The following PNOC variants were observed in gnomAD, a reference collection of about 807,000 sequenced individuals.
PNOC encodes prepronociceptin, also known as nociceptin.
PNOC carries 10 observed loss-of-function variants against 15.6 expected under a neutral mutation model. The ratio of observed to expected loss-of-function variants is 0.64; its 90% confidence interval spans 0.40 to 1.09. PNOC has a LOEUF of 1.09. Among genes scored for constraint, PNOC ranks in the 50% least tolerant of loss-of-function variants. PNOC has a pLI of 0.01. For synonymous variants in PNOC, 98 were observed against 88.5 expected (o/e 1.11, Z -0.60); for missense variants, 220 against 223.9 (o/e 0.98, Z 0.11).
At chr8:28,323,556 C>T (rs963950199) in intron 1 of PNOC, among the ~76,000 whole-genome samples, 1 of 152,204 alleles carries the variant, frequency 6.6e-6, no homozygotes, top group African/African-American at 2.4e-5. Context: ...TAACAACAAA[C>T]CTGTTATTAT....
At chr8:28,340,903 C>T (rs1801507528) in intron 3 of PNOC, among the ~76,000 whole-genome samples, 1 of 152,202 alleles carries the variant, frequency 6.6e-6, no homozygotes, top group Non-Finnish European at 1.5e-5. Context: ...CCAAACACCA[C>T]CCACTAGGCC....
chr8:28,331,714 C>T (rs1269457942), intron 2 of PNOC, among the ~76,000 whole-genome samples: 1 of 152,206 alleles, frequency 6.6e-6, no homozygotes, highest in Non-Finnish European at 1.5e-5. Flanking sequence ...GATTAAGTGT[C>T]CTCTGGTAAG....
At chr8:28,325,267 G>A (rs1421616399) in intron 1 of PNOC, among the ~76,000 whole-genome samples, 2 of 143,640 alleles carry the variant, frequency 1.4e-5, no homozygotes, top group Non-Finnish European at 3.2e-5. Context: ...GGGTGGACAT[G>A]GCTTCCCAGA....
chr8:28,320,548 G>T (rs181444110), intron 1 of PNOC, among the ~76,000 whole-genome samples: 1 of 151,990 alleles, frequency 6.6e-6, no homozygotes, highest in Non-Finnish European at 1.5e-5. Flanking sequence ...GACTGCTAGG[G>T]GTACAAAGTT....
chr8:28,321,884 G>A (rs1213660505), intron 1 of PNOC, among the ~76,000 whole-genome samples: 4 of 152,212 alleles, frequency 2.6e-5, no homozygotes, highest in African/African-American at 9.7e-5. Context: ...GACACTTGAA[G>A]TGTAATTGTA....
intron 1 of PNOC, among the ~76,000 whole-genome samples, chr8:28,321,514 T>C (rs183136153): frequency 7.2e-4 from 109 of 152,262 alleles, no homozygotes; most frequent in Non-Finnish European, 1.3e-3. Flanking sequence ...CGGAAGCTAC[T>C]TCCCCATAAA....
intron 2 of PNOC, among the ~76,000 whole-genome samples, chr8:28,334,273 G>A (rs1005634718): frequency 6.6e-6 from 1 of 152,188 alleles, no homozygotes; most frequent in Non-Finnish European, 1.5e-5. Flanking sequence ...GCTAAGTACA[G>A]ACCCAGGTGA....
At chr8:28,327,367 A>T (rs942914485) in intron 1 of PNOC, among the ~76,000 whole-genome samples, 1 of 152,136 alleles carries the variant, frequency 6.6e-6, no homozygotes, top group Non-Finnish European at 1.5e-5. Flanking sequence ...CTAATCAACC[A>T]ATCCTTGGAG....
chr8:28,326,739 A>G (rs1251239735), intron 1 of PNOC, among the ~76,000 whole-genome samples: 1 of 152,166 alleles, frequency 6.6e-6, no homozygotes, highest in African/African-American at 2.4e-5. Context: ...ATGTGCCTGT[A>G]ATCCCAGCCA....
intron 3 of PNOC, among the ~76,000 whole-genome samples, chr8:28,341,601 A>T (rs1310773053): frequency 6.6e-6 from 1 of 152,234 alleles, no homozygotes; most frequent in Non-Finnish European, 1.5e-5. Context: ...TTAAAAAATG[A>T]TTTGAGCCTC....
intron 1 of PNOC, among the ~76,000 whole-genome samples, chr8:28,317,738 C>T (rs73570753): frequency 0.14 from 20,859 of 152,058 alleles, 2,260 homozygotes; most frequent in African/African-American, 0.29. Context: ...ATGAGGGTTT[C>T]CTCTCAGTGG....
At chr8:28,329,979 C>G (rs1457961954) in intron 2 of PNOC, among the ~76,000 whole-genome samples, 1 of 152,002 alleles carries the variant, frequency 6.6e-6, no homozygotes, top group African/African-American at 2.4e-5. Context: ...CAGAGTCTCA[C>G]TCTGTCACTC....
chr8:28,342,901 C>A (rs1194518638), intron 3 of PNOC, 41 bp from the exon 4 acceptor site: 4 of 842,416 alleles, frequency 4.7e-6, no homozygotes, highest in Non-Finnish European at 4.3e-6. Context: ...GTCAGAAAAA[C>A]CATCAGGTTT....
At position 28,339,436 on chromosome 8, in the gene PNOC, A is replaced by C. The variant is rs369750313; in HGVS notation, c.523A>C (p.Asn175His). The change falls in exon 3 of 4, where the codon AAT becomes CAT. Residue 175 changes from asparagine (N) to histidine (H), a missense_variant. Asn to His is a moderately conservative substitution (Grantham distance 68, BLOSUM62 1). Transcript: ENST00000301908. ...CCGGCGCACCCTGCACCAGAATGGTAATGTGTAGCCGGAAGGGGCGCTCCT... is the reference window on the plus strand; with the variant it reads ...CCGGCGCACCCTGCACCAGAATGGTCATGTGTAGCCGGAAGGGGCGCTCCT... ...QRRRTLHQNG[N>H]V 6 of 1,532,990 alleles carry C rather than the reference A, an allele frequency of 3.9e-6. No individual in the cohort carries two copies. The African/African-American group carries it at 8.3e-5, about 21-fold the overall frequency. The allele number at this position is 1,532,990 out of a possible 1,614,324, so 95.0% of individuals were successfully genotyped here. A position where few individuals can be genotyped will look rare whatever the true frequency, so the allele number is the denominator to read the frequency against.
chr8:28,323,764 T>G (rs1190822364), intron 1 of PNOC, among the ~76,000 whole-genome samples: 1 of 152,260 alleles, frequency 6.6e-6, no homozygotes, highest in East Asian at 1.9e-4. Context: ...GTTTTCAAAG[T>G]TCAAAATCTG....
chr8:28,321,206 ATT>A (rs34876674), intron 1 of PNOC, among the ~76,000 whole-genome samples: 3 of 122,788 alleles, frequency 2.4e-5, no homozygotes, highest in East Asian at 2.4e-4. Flanking sequence ...ACCTAGCTAA[ATT>A]TTTTTTTTTT....
chr8:28,339,473 C>T lies in PNOC; in HGVS notation c.*29C>T, dbSNP rs1476391110. The stretch of plus-strand genomic sequence containing the variant: ...GAAGGGGCGCTCCTCCCAGCTGTAC[C>T]GGCCACTGCAACCCATGAGTGAGTT... On this transcript the variant is annotated 3_prime_UTR_variant, in exon 3 of 4. Transcript: ENST00000301908. 15 of 1,507,264 alleles carry T rather than the reference C, an allele frequency of 1.0e-5. No individual in the cohort carries two copies. The highest frequency in any genetic ancestry group is 2.3e-5 in the East Asian group (1 of 43,794). The allele number at this position is 1,507,264 out of a possible 1,614,324, so 93.4% of individuals were successfully genotyped here. A position where few individuals can be genotyped will look rare whatever the true frequency, so the allele number is the denominator to read the frequency against.
rs199624947 is a variant in PNOC at position 28,339,494 on chromosome 8, G to A, written c.*47+3G>A. ...GTACCGGCCACTGCAACCCATGAGT[G>A]AGTTGGGCACCAATAAGCTGGGGGC... On this transcript the variant is annotated splice_donor_region_variant and intron_variant, in intron 3 of 3. Transcript: ENST00000301908. The A allele has an allele frequency of 6.7e-7, 1 of 1,494,906 alleles. No individual in the cohort carries two copies. Among genetic ancestry groups the A allele is most frequent in the Non-Finnish European group, 8.9e-7 (1 of 1,124,236 alleles). The allele number at this position is 1,494,906 out of a possible 1,614,324, so 92.6% of individuals were successfully genotyped here.
chr8:28,324,548 G>C (rs1204414670), intron 1 of PNOC, among the ~76,000 whole-genome samples: 2 of 152,180 alleles, frequency 1.3e-5, no homozygotes, highest in African/African-American at 2.4e-5. Context: ...AAAATGTCTA[G>C]AAAGACGGAA....
Sources: allele counts gnomAD v4.1 joint callset (sites outside exome capture counted in the v4.1 genomes callset), GRCh38; gene constraint gnomAD v4.1.1; transcripts MANE v1.5; gene names NCBI Gene and HGNC (gene_info 2026-07-23, HGNC 2026-07-21).